Variants in LYSMD4 observed in about 807,000 individuals in gnomAD.
LYSMD4 encodes lysM and putative peptidoglycan-binding domain-containing protein 4.
LYSMD4 carries 9 observed loss-of-function variants against 6.1 expected under a neutral mutation model. That is an observed-to-expected ratio of 1.47 (90% confidence interval 0.88 to 2.56). The LOEUF is 2.56. Among genes scored for constraint, LYSMD4 ranks in the 30% most tolerant of loss-of-function variants. The pLI is 0.00. For synonymous variants in LYSMD4, 143 were observed against 148.5 expected (o/e 0.96, Z 0.27); for missense variants, 384 against 373.5 (o/e 1.03, Z -0.23).
chr15:99,729,664 T>G lies in LYSMD4; in HGVS notation c.350A>C (p.Lys117Thr), dbSNP rs78073940. Residue 117 changes from lysine (K) to threonine (T), a missense_variant, in exon 3 of 3, where the codon AAG (lysine) becomes ACG (threonine). Transcript: ENST00000684762. ...EQDLYALKSV[K>T]IPVRNHGILM... ...GATCCCATGGTTTCTCACTGGAATC[T>G]TAACAGATTTCAAAGCATATAAGTC... 6.2e-7 allele frequency: 1 copy of G among 1,613,910 alleles called. No individual in the cohort carries two copies. Among genetic ancestry groups the G allele is most frequent in the African/African-American group, 1.3e-5 (1 of 74,944 alleles).
At chr15:99,716,557 C>G in exon 1 of LYSMD4, 1 of 456,798 alleles carries the variant, frequency 2.2e-6, no homozygotes, top group Non-Finnish European at 4.4e-6. Context: ...GCCCCTTCCC[C>G]TAAAGCCCTC....
exon 1 of LYSMD4, chr15:99,717,053 A>C (rs1201384372): frequency 5.9e-6 from 1 of 170,296 alleles, no homozygotes; most frequent in Admixed American, 5.8e-5. Context: ...CTTTGTCATA[A>C]TTCAGCTAGA....
In LYSMD4 at chr15:99,729,496, A is replaced by G. The variant is rs141407567; in HGVS notation, c.518T>C (p.Ile173Thr). The G allele has an allele frequency of 6.8e-6, 11 of 1,614,026 alleles. No individual in the cohort carries two copies. Among genetic ancestry groups the G allele is most frequent in the Non-Finnish European group, 9.3e-6 (11 of 1,180,040 alleles). Residue 173 changes from isoleucine to threonine, a missense_variant, in exon 3 of 3, where the codon ATT becomes ACT. Physicochemically the swap from Ile to Thr is moderately conservative, Grantham distance 89. Coordinates refer to ENST00000684762, the MANE Select transcript of LYSMD4 (RefSeq NM_001284417.2). Reference sequence around the variant, plus strand: ...CACTGCACGCTCAATATCCTGGTCAATCCCCTTAAAGAAGCCCATCAGTTG... The same window carrying G: ...CACTGCACGCTCAATATCCTGGTCAGTCCCCTTAAAGAAGCCCATCAGTTG... ...AGQLMGFFKG[I>T]DQDIERAVQS...
At chr15:99,730,701 A>G (rs1365609910) in intron 2 of LYSMD4, among the ~76,000 whole-genome samples, 2 of 142,894 alleles carry the variant, frequency 1.4e-5, no homozygotes, top group Admixed American at 1.4e-4. Context: ...TCTGCCTTCA[A>G]TAAATTAAGA....
rs771837064 is a variant in LYSMD4, at chr15:99,731,206, CAT to C, written c.282+510_282+511del. 2.7e-5 allele frequency: 43 copies of C among 1,612,530 alleles called. No individual in the cohort carries two copies. The East Asian group carries it at 8.2e-4, about 31-fold the overall frequency. ...TGTTAATCACTCTGAATGCTGAAAA[CAT>C]AATTAGAGAAAAACAGGGTTATATA... is the stretch of plus-strand genomic sequence containing the variant. On this transcript the variant is annotated intron_variant, in intron 2 of 2. Coordinates refer to ENST00000684762, the MANE Select transcript of LYSMD4 (RefSeq NM_001284417.2).
At position 99,733,415 on chromosome 15, in the gene LYSMD4, C is replaced by T. The variant is rs1335513830; in HGVS notation, c.-79G>A. 1.8e-5 allele frequency: 7 copies of T among 395,448 alleles called. No individual in the cohort carries two copies. In the East Asian group the frequency reaches 2.2e-4, roughly 12 times the overall value. The allele number at this position is 395,448 out of a possible 1,614,324, so 24.5% of individuals were successfully genotyped here. A position where few individuals can be genotyped will look rare whatever the true frequency, so the allele number is the denominator to read the frequency against. Reference sequence around the variant, plus strand: ...CCCGCGACCCGCGACCCGCAGCTGCCACCGCGCCTGCGGATTGGCTACGAA... The same window carrying T: ...CCCGCGACCCGCGACCCGCAGCTGCTACCGCGCCTGCGGATTGGCTACGAA... On this transcript the variant is annotated 5_prime_UTR_variant, in exon 1 of 3. Transcript: ENST00000684762.
chr15:99,729,459 G>T lies in LYSMD4; in HGVS notation c.555C>A (p.Ile185=), dbSNP rs753374402. ...QDIERAVQSE[I]FLHESYCMDT... ...CCATGCAGTAACTTTCATGTAGAAA[G>T]ATTTCTGACTGCACTGCACGCTCAA... Residue 185 remains isoleucine (I), a synonymous_variant, in exon 3 of 3, where the codon ATC becomes ATA. Transcript: ENST00000684762. The T allele has an allele frequency of 1.2e-6, 2 of 1,614,146 alleles. No individual in the cohort carries two copies. Among genetic ancestry groups the T allele is most frequent in the Admixed American group, 1.7e-5 (1 of 60,026 alleles).
exon 1 of LYSMD4, chr15:99,716,831 C>T (rs771589259): frequency 2.4e-5 from 9 of 374,254 alleles, no homozygotes; most frequent in Non-Finnish European, 4.3e-5. Flanking sequence ...ACAGGAAATA[C>T]GCCAAAGCCT....
Position 99,728,964 on chromosome 15 carries a change from T to C in LYSMD4, c.*159A>G. 3 of 1,019,424 alleles carry C rather than the reference T, an allele frequency of 2.9e-6. No individual in the cohort carries two copies. Among genetic ancestry groups the C allele is most frequent in the South Asian group, 1.5e-5 (1 of 65,386 alleles). The allele number at this position is 1,019,424 out of a possible 1,614,324, so 63.1% of individuals were successfully genotyped here. On this transcript the variant is annotated 3_prime_UTR_variant, in exon 3 of 3. Coordinates refer to ENST00000684762, the MANE Select transcript of LYSMD4 (RefSeq NM_001284417.2). ...TGCCAGCTTAGACTGGGTAAGGCCA[T>C]GCCCAGGGCCAGTGCAATTGGGAAT...
chr15:99,723,349 C>G (rs1452310593), downstream of LYSMD4, among the ~76,000 whole-genome samples: 2 of 152,226 alleles, frequency 1.3e-5, no homozygotes, highest in African/African-American at 4.8e-5. Context: ...TGCACCGCCT[C>G]CTGTTCTGGG....
chr15:99,733,085 G>A, intron 1 of LYSMD4: 1 of 354,670 alleles, frequency 2.8e-6, no homozygotes, highest in Non-Finnish European at 5.1e-6. Context: ...GAGCGGCCCG[G>A]CCCCAGGGCT....
chr15:99,716,057 T>C (rs962695588), exon 1 of LYSMD4: 1 of 155,982 alleles, frequency 6.4e-6, no homozygotes, highest in African/African-American at 2.4e-5. Flanking sequence ...ACTCCTGGCA[T>C]TGGATCTTAA....
upstream of LYSMD4, among the ~76,000 whole-genome samples, chr15:99,718,556 TA>T (rs2059212362): frequency 6.6e-6 from 1 of 152,240 alleles, no homozygotes; most frequent in African/African-American, 2.4e-5. Flanking sequence ...CTCATTTCGT[TA>T]CTCATTATGT....
chr15:99,723,082 T>G (rs1483485799), downstream of LYSMD4, among the ~76,000 whole-genome samples: 1 of 151,574 alleles, frequency 6.6e-6, no homozygotes, highest in Non-Finnish European at 1.5e-5. Flanking sequence ...TACTATAGAT[T>G]AGACAGATAC....
downstream of LYSMD4, among the ~76,000 whole-genome samples, chr15:99,723,933 G>A (rs141078159): frequency 2.3e-3 from 346 of 149,970 alleles, 16 homozygotes; most frequent in African/African-American, 6.6e-3. Context: ...GGAATTCAGC[G>A]TTGCCTAGAA....
In LYSMD4 at chr15:99,729,083, G is replaced by A. The variant is rs772762971; in HGVS notation, c.*40C>T. ...CAGTGACAGCTGAGGCACATCAACAGCCAATTGCTAAAGCTGGGCCTAGTC... is the reference window on the plus strand; with the variant it reads ...CAGTGACAGCTGAGGCACATCAACAACCAATTGCTAAAGCTGGGCCTAGTC... On this transcript the variant is annotated 3_prime_UTR_variant, in exon 3 of 3. Coordinates refer to ENST00000684762, the MANE Select transcript of LYSMD4 (RefSeq NM_001284417.2). 1.2e-6 allele frequency: 2 copies of A among 1,603,216 alleles called. No homozygotes were observed. Among genetic ancestry groups the A allele is most frequent in the East Asian group, 4.5e-5 (2 of 44,630 alleles).
chr15:99,731,266 A>T, intron 2 of LYSMD4: 1 of 1,602,628 alleles, frequency 6.2e-7, no homozygotes, highest in Admixed American at 1.7e-5. Context: ...ATGCAGTTCT[A>T]AACGAGAGAA....
Position 99,729,708 on chromosome 15 carries a change from G to A in LYSMD4, c.306C>T (p.Asn102=), listed in dbSNP as rs769232662. 4.3e-6 allele frequency: 7 copies of A among 1,609,884 alleles called. No individual in the cohort carries two copies. The South Asian group carries it at 7.7e-5, about 18-fold the overall frequency. ...GCKVADIKKV[N]NFIREQDLYA... ...ATAAGTCTTGTTCTCTGATGAAGTT[G>A]TTGACTTTCTTGATATCTGCAACCT... The change falls in exon 3 of 3, where the codon AAC becomes AAT. Residue 102 remains asparagine, a synonymous_variant. Coordinates refer to ENST00000684762, the MANE Select transcript of LYSMD4 (RefSeq NM_001284417.2).
At chr15:99,721,365 A>T (rs1022035207), upstream of LYSMD4, among the ~76,000 whole-genome samples, 1 of 152,190 alleles carries the variant, frequency 6.6e-6, no homozygotes, top group African/African-American at 2.4e-5. Flanking sequence ...AGCCAGGGTG[A>T]CACTGCCACT....
Sources: gnomAD v4.1 joint callset for allele counts (sites outside exome capture counted in the v4.1 genomes callset) on GRCh38, gnomAD v4.1.1 for gene constraint, MANE v1.5 for transcripts, NCBI Gene and HGNC (gene_info 2026-07-23, HGNC 2026-07-21) for gene names.